LRRTM4: variants seen among roughly 807,000 people sequenced by gnomAD.
The protein encoded by LRRTM4 is leucine-rich repeat transmembrane neuronal protein 4.
In LRRTM4, 25 loss-of-function variants were observed where a neutral mutation model predicts 47.6. That is an observed-to-expected ratio of 0.53 (90% CI 0.38 to 0.73). The LOEUF is 0.73. LRRTM4 is among the 30% of genes least tolerant of loss of function. The probability of loss-of-function intolerance (pLI) is 0.00; values close to 1 mark genes in which losing one functional copy is unlikely to be tolerated. For missense variants in LRRTM4, 638 were observed against 713.4 expected (o/e 0.89, Z 1.20); for synonymous variants, 311 against 269.5 (o/e 1.15, Z -1.51).
chr2:77,324,525 A>G (rs1240776213), intron 3 of LRRTM4, among the ~76,000 whole-genome samples: 1 of 146,620 alleles, frequency 6.8e-6, no homozygotes, highest in Admixed American at 6.7e-5. Context: ...TAATCCAGAA[A>G]AGGGTTTAGG....
At chr2:76,750,005 C>T (rs1393372896) in intron 3 of LRRTM4, among the ~76,000 whole-genome samples, 1 of 152,176 alleles carries the variant, frequency 6.6e-6, no homozygotes, top group Non-Finnish European at 1.5e-5. Context: ...GAGGTTTGGA[C>T]TTTGCAAACC....
At chr2:77,099,778 A>G (rs1670903485) in intron 3 of LRRTM4, among the ~76,000 whole-genome samples, 1 of 152,130 alleles carries the variant, frequency 6.6e-6, no homozygotes, top group South Asian at 2.1e-4. Flanking sequence ...ACTGGAAGCT[A>G]TGGAAATTGC....
intron 3 of LRRTM4, among the ~76,000 whole-genome samples, chr2:76,787,253 A>C (rs1350927738): frequency 1.3e-5 from 2 of 152,166 alleles, no homozygotes; most frequent in African/African-American, 4.8e-5. Context: ...TACTCCAGAA[A>C]TAATTTAGAA....
chr2:77,141,083 A>AACTAGAAAT (rs1449572771), intron 3 of LRRTM4, among the ~76,000 whole-genome samples: 1 of 152,110 alleles, frequency 6.6e-6, no homozygotes, highest in Non-Finnish European at 1.5e-5. Flanking sequence ...AAGGATCTAG[A>AACTAGAAAT]ACTAGAAATA....
At chr2:77,410,705 A>C (rs403113) in intron 3 of LRRTM4, among the ~76,000 whole-genome samples, 1 of 152,044 alleles carries the variant, frequency 6.6e-6, no homozygotes, top group African/African-American at 2.4e-5. Context: ...TCATTCCATC[A>C]TGATTATAAC....
At position 76,758,491 on chromosome 2, in the gene LRRTM4, G is replaced by C. The variant is rs569188264; in HGVS notation, c.1552-9575C>G. ...TACAAATGTAACTTCTTGGAAGACT[G>C]GCTGGTCTTCATGAAAAGAGGCATT... On this transcript the variant is annotated intron_variant, in intron 3 of 3. Coordinates refer to ENST00000409884, the MANE Select transcript of LRRTM4 (RefSeq NM_001134745.3). Among the ~76,000 whole-genome samples, 9 of 152,184 alleles carry C rather than the reference G, an allele frequency of 5.9e-5. No homozygotes were observed. The South Asian group carries it at 1.2e-3, about 21-fold the overall frequency.
intron 3 of LRRTM4, among the ~76,000 whole-genome samples, chr2:77,378,307 G>A (rs1672914874): frequency 6.6e-6 from 1 of 151,944 alleles, no homozygotes; most frequent in African/African-American, 2.4e-5. Flanking sequence ...AGTTTGGGGA[G>A]TATCTCCCCT....
chr2:76,976,008 G>A (rs1676407087), intron 3 of LRRTM4, among the ~76,000 whole-genome samples: 1 of 151,584 alleles, frequency 6.6e-6, no homozygotes. Flanking sequence ...CTAATTCTTT[G>A]GGGAAATGGT....
chr2:77,501,367 T>C (rs1344338157), intron 3 of LRRTM4, among the ~76,000 whole-genome samples: 3 of 150,766 alleles, frequency 2.0e-5, no homozygotes, highest in Non-Finnish European at 3.0e-5. Flanking sequence ...CATATAAATA[T>C]AATGCATAAA....
At chr2:76,949,029 T>A (rs1385848410) in intron 3 of LRRTM4, among the ~76,000 whole-genome samples, 1 of 151,902 alleles carries the variant, frequency 6.6e-6, no homozygotes, top group Non-Finnish European at 1.5e-5. Context: ...CCCTAGTGAA[T>A]ATTCCGTATT....
chr2:77,246,164 T>G (rs1371216167), intron 3 of LRRTM4, among the ~76,000 whole-genome samples: 1 of 152,190 alleles, frequency 6.6e-6, no homozygotes, highest in East Asian at 1.9e-4. Context: ...AATTTATTTC[T>G]CTAGGTTCAG....
chr2:77,169,159 T>C (rs189872954), intron 3 of LRRTM4, among the ~76,000 whole-genome samples: 7 of 152,166 alleles, frequency 4.6e-5, no homozygotes, highest in Non-Finnish European at 7.4e-5. Flanking sequence ...CTATAAGAAC[T>C]GGAAAAAACA....
chr2:77,315,760 G>A (rs1436944338), intron 3 of LRRTM4, among the ~76,000 whole-genome samples: 1 of 152,076 alleles, frequency 6.6e-6, no homozygotes, highest in Non-Finnish European at 1.5e-5. Flanking sequence ...ACCCAGGGCT[G>A]TCTGTCTTTC....
intron 3 of LRRTM4, among the ~76,000 whole-genome samples, chr2:77,376,735 A>C (rs1179303353): frequency 6.6e-6 from 1 of 151,828 alleles, no homozygotes; most frequent in African/African-American, 2.4e-5. Context: ...GCTATCAACA[A>C]TATTTATCAC....
chr2:77,465,539 T>C (rs1676950809), intron 3 of LRRTM4, among the ~76,000 whole-genome samples: 1 of 152,136 alleles, frequency 6.6e-6, no homozygotes. Flanking sequence ...AGATCTTCTT[T>C]AATCCATAAG....
chr2:77,070,178 T>A (rs1233636108), intron 3 of LRRTM4, among the ~76,000 whole-genome samples: 1 of 152,104 alleles, frequency 6.6e-6, no homozygotes, highest in Non-Finnish European at 1.5e-5. Context: ...GGAATGGGAC[T>A]ATGAGAAGAT....
At chr2:77,091,687 G>A (rs1262970275) in intron 3 of LRRTM4, among the ~76,000 whole-genome samples, 2 of 149,330 alleles carry the variant, frequency 1.3e-5, no homozygotes, top group Admixed American at 1.3e-4. Context: ...CACTTGGACT[G>A]ACCCTGACAC....
intron 3 of LRRTM4, among the ~76,000 whole-genome samples, chr2:76,966,733 A>C (rs1227801057): frequency 6.6e-6 from 1 of 151,464 alleles, no homozygotes; most frequent in African/African-American, 2.4e-5. Context: ...ATGACAATCT[A>C]ATTACCAATT....
chr2:77,224,425 C>G (rs1674741198), intron 3 of LRRTM4, among the ~76,000 whole-genome samples: 1 of 152,124 alleles, frequency 6.6e-6, no homozygotes, highest in Non-Finnish European at 1.5e-5. Context: ...GAACAGGCAA[C>G]CTACAGAACG....
Sources: allele counts gnomAD v4.1 joint callset (sites outside exome capture counted in the v4.1 genomes callset), GRCh38; gene constraint gnomAD v4.1.1; transcripts MANE v1.5; gene names NCBI Gene and HGNC (gene_info 2026-07-23, HGNC 2026-07-21).